MGST2: variants seen among roughly 807,000 people sequenced by gnomAD.
The protein encoded by MGST2 is microsomal glutathione S-transferase 2.
A neutral mutation model predicts 16.6 loss-of-function variants in MGST2; 9 were observed. The ratio of observed to expected loss-of-function variants is 0.54; its 90% CI spans 0.33 to 0.95. The LOEUF is 0.95. MGST2 is among the 40% of genes least tolerant of loss of function. MGST2 has a pLI of 0.03. For missense variants in MGST2, 159 were observed against 175.1 expected, an observed-to-expected ratio of 0.91 and a Z score of 0.52; for synonymous variants, 79 against 68.0, an observed-to-expected ratio of 1.16 and a Z score of -0.79.
intron 1 of MGST2, among the ~76,000 whole-genome samples, chr4:139,668,034 A>C (rs1730463610): frequency 6.6e-6 from 1 of 152,226 alleles, no homozygotes; most frequent in South Asian, 2.1e-4. Context: ...GAGACATAAG[A>C]CATCAACCAA....
intron 2 of MGST2, among the ~76,000 whole-genome samples, chr4:139,694,092 T>C (rs1273319868): frequency 6.6e-6 from 1 of 152,132 alleles, no homozygotes; most frequent in East Asian, 1.9e-4. Context: ...CCCATGTAGT[T>C]GAGGCATAAG....
At chr4:139,714,177 C>T (rs913172328) in intron 5 of MGST2, among the ~76,000 whole-genome samples, 7 of 152,150 alleles carry the variant, frequency 4.6e-5, no homozygotes, top group Admixed American at 3.3e-4. Context: ...TCCTGAAAAG[C>T]GGGCTTACAG....
chr4:139,694,672 A>C (rs185799138), intron 2 of MGST2, among the ~76,000 whole-genome samples: 63 of 152,310 alleles, frequency 4.1e-4, no homozygotes, highest in Non-Finnish European at 6.5e-4. Context: ...GATGCTGTCT[A>C]TCTTTGATTC....
chr4:139,736,150 G>A (rs974337525), intron 5 of MGST2, among the ~76,000 whole-genome samples: 2 of 152,068 alleles, frequency 1.3e-5, no homozygotes, highest in Non-Finnish European at 2.9e-5. Flanking sequence ...ACTCTGAATT[G>A]GGTCAAGTAA....
chr4:139,671,791 G>A lies in MGST2; in HGVS notation c.58+5714G>A, dbSNP rs1330452737. Reference sequence around the variant, plus strand: ...TGAGTATCTGGGACTACAGGCACACGACACTGCACCTGGCTAATTTTTGTA... The same window carrying A: ...TGAGTATCTGGGACTACAGGCACACAACACTGCACCTGGCTAATTTTTGTA... On this transcript the variant is annotated intron_variant, in intron 1 of 4. Transcript: ENST00000265498. 3.3e-5 allele frequency among the ~76,000 whole-genome samples: 5 copies of A among 152,014 alleles called. No homozygotes were observed. In the East Asian group the frequency reaches 7.7e-4, roughly 24 times the overall value.
chr4:139,695,658 A>G (rs916650911), intron 3 of MGST2, among the ~76,000 whole-genome samples: 3 of 152,182 alleles, frequency 2.0e-5, no homozygotes, highest in Admixed American at 6.5e-5. Flanking sequence ...GCAACTATAT[A>G]GCTACCAATC....
chr4:139,713,523 G>GA lies in MGST2; in HGVS notation c.*48+9329dup, dbSNP rs541441666. ...GGAGAAAAATAATTCAGTTGACTGA[G>GA]AAGAAAAAACCTTTTTCCAGAAAAA... On this transcript the variant is annotated intron_variant, in intron 5 of 5. Coordinates refer to the MGST2 transcript ENST00000616265. 2.9e-4 allele frequency among the ~76,000 whole-genome samples: 39 copies of GA among 134,276 alleles called. No individual in the cohort carries two copies. In the South Asian group the frequency reaches 9.4e-3, roughly 32 times the overall value. The allele number at this position is 134,276 out of a possible 152,430, so 88.1% of individuals were successfully genotyped here. A position where few individuals can be genotyped will look rare whatever the true frequency, so the allele number is the denominator to read the frequency against.
At chr4:139,695,305 A>G (rs1726855440) in intron 3 of MGST2, 38 bp downstream of exon 3, 1 of 1,504,472 alleles carries the variant, frequency 6.6e-7, no homozygotes, top group Non-Finnish European at 9.3e-7. Flanking sequence ...TCTAATGATG[A>G]CTGTGATGCT....
chr4:139,719,861 G>A (rs749295587), intron 5 of MGST2: 67 of 1,613,738 alleles, frequency 4.2e-5, no homozygotes, highest in Non-Finnish European at 5.5e-5. Context: ...CCAGCTTTGT[G>A]CTCCTTGCTG....
chr4:139,716,430 C>T (rs1727962942), intron 5 of MGST2, among the ~76,000 whole-genome samples: 1 of 152,202 alleles, frequency 6.6e-6, no homozygotes, highest in African/African-American at 2.4e-5. Context: ...AGCCTCCCTA[C>T]CTCCAGATGA....
downstream of MGST2, among the ~76,000 whole-genome samples, chr4:139,707,442 A>T (rs1271201473): frequency 1.3e-5 from 2 of 152,052 alleles, no homozygotes; most frequent in African/African-American, 4.8e-5. Context: ...TTCTTAATCC[A>T]GTCTATCATT....
downstream of MGST2, among the ~76,000 whole-genome samples, chr4:139,709,012 A>AAG (rs1428417358): frequency 4.8e-5 from 7 of 144,930 alleles, no homozygotes; most frequent in South Asian, 2.2e-4. Context: ...AAAAAAAAAA[A>AAG]AAAGAAAAAG....
chr4:139,733,143 T>C (rs1560774547), intron 5 of MGST2, among the ~76,000 whole-genome samples: 1 of 152,238 alleles, frequency 6.6e-6, no homozygotes, highest in African/African-American at 2.4e-5. Context: ...TGATTGGCTT[T>C]ACACTTTAAC....
At chr4:139,745,956 G>T in the MGST2 span, among the ~76,000 whole-genome samples, 1 of 152,154 alleles carries the variant, frequency 6.6e-6, no homozygotes, top group Admixed American at 6.5e-5. Context: ...TCCTTAACTT[G>T]TTTCTCCAAC....
chr4:139,703,445 C>A lies in MGST2; in HGVS notation c.230-10C>A. The A allele has an allele frequency of 6.2e-7, 1 of 1,611,790 alleles. No individual in the cohort carries two copies. ...TGTGCCTTTTCTTTTTTTTTCCCAC[C>A]CCCCTATAGTTTTTGCTACTTGTCT... On this transcript the variant is annotated splice_polypyrimidine_tract_variant and intron_variant, in intron 3 of 4. Transcript: ENST00000265498.
intron 5 of MGST2, among the ~76,000 whole-genome samples, chr4:139,721,484 A>C (rs769187696): frequency 2.4e-4 from 36 of 152,338 alleles, no homozygotes; most frequent in Middle Eastern, 3.4e-3. Context: ...CCCACCTGGA[A>C]CTGTGATGAG....
Position 139,703,460 on chromosome 4 carries a change from G to C in MGST2, c.235G>C (p.Ala79Pro). The C allele has an allele frequency of 6.2e-7, 1 of 1,612,606 alleles. No homozygotes were observed. Reference protein sequence around the residue: ...MAGWYFNQVFATCLGLVYIYG... With the variant: ...MAGWYFNQVFPTCLGLVYIYG... ...TTTTTCCCACCCCCCTATAGTTTTT[G>C]CTACTTGTCTGGGTCTGGTGTACAT... The change falls in exon 4 of 5, where the codon GCT becomes CCT. Residue 79 changes from alanine to proline, a missense_variant. Transcript: ENST00000265498.
intron 5 of MGST2, among the ~76,000 whole-genome samples, chr4:139,724,300 C>T (rs1277912655): frequency 2.0e-5 from 3 of 152,188 alleles, no homozygotes; most frequent in Non-Finnish European, 4.4e-5. Flanking sequence ...GCTCACAGTT[C>T]ATGATCTAGG....
rs557032462 is a variant in MGST2 at position 139,715,536 on chromosome 4, T to C, written c.*48+11340T>C. ...GCAGTGCACAGTGAAAGCAAGTTTA[T>C]TAAGAAAGTAAAGGAATAAAAGAAT... is the stretch of plus-strand genomic sequence containing the variant. On this transcript the variant is annotated intron_variant, in intron 5 of 5. Transcript: ENST00000616265. This position sits in a 1 kb window ranked among gnomAD's most constrained non-coding sequence, Gnocchi z 4.4. 3.9e-5 allele frequency among the ~76,000 whole-genome samples: 6 copies of C among 152,264 alleles called. No homozygotes were observed. Among genetic ancestry groups the C allele is most frequent in the African/African-American group, 1.4e-4 (6 of 41,556 alleles).
Sources: allele counts gnomAD v4.1 joint callset (sites outside exome capture counted in the v4.1 genomes callset), GRCh38; gene constraint gnomAD v4.1.1; non-coding constraint Gnocchi (gnomAD v3.1); transcripts MANE v1.5; gene names NCBI Gene and HGNC (gene_info 2026-07-23, HGNC 2026-07-21).